RPUSD1: variants seen among roughly 807,000 people sequenced by gnomAD.
The protein encoded by RPUSD1 is RNA pseudouridine synthase domain containing 1, also known as pseudouridylate synthase RPUSD1.
In RPUSD1, 28 loss-of-function variants were observed where a neutral mutation model predicts 22.4. That is an observed-to-expected ratio of 1.25 (90% CI 0.93 to 1.72). The LOEUF is 1.72. Among genes scored for constraint, RPUSD1 ranks in the 40% most tolerant of loss-of-function variants. The pLI is 0.00. For synonymous variants in RPUSD1, 298 were observed against 201.0 expected (o/e 1.48, Z -4.08); for missense variants, 596 against 442.2 (o/e 1.35, Z -3.12).
chr16:785,887 G>A lies in RPUSD1; in HGVS notation c.*63C>T, dbSNP rs535519944. Reference sequence around the variant, plus strand: ...CCCCAGAGCCAGTGAGCAGACGCTCGCTCGCCCATCTCCCTAGAGTCCCGC... The same window carrying A: ...CCCCAGAGCCAGTGAGCAGACGCTCACTCGCCCATCTCCCTAGAGTCCCGC... On this transcript the variant is annotated 3_prime_UTR_variant, in exon 6 of 6. Transcript: ENST00000007264. The A allele has an allele frequency of 2.6e-4, 346 of 1,323,460 alleles. No homozygotes were observed. The highest frequency in any genetic ancestry group is 3.2e-4 in the Non-Finnish European group (329 of 1,018,352). The allele number at this position is 1,323,460 out of a possible 1,614,324, so 82.0% of individuals were successfully genotyped here. A position where few individuals can be genotyped will look rare whatever the true frequency, so the allele number is the denominator to read the frequency against.
rs1166413808 is a variant in RPUSD1, at chr16:787,549, C to A, written c.182+7G>T. 3 of 1,609,586 alleles carry A rather than the reference C, an allele frequency of 1.9e-6. No homozygotes were observed. Among genetic ancestry groups the A allele is most frequent in the East Asian group, 2.2e-5 (1 of 44,798 alleles). Reference sequence around the variant, plus strand: ...CGCCACCGTGGGGCTCCGGCCGCCCCCCCTACCTGAACCCGTAGCAGGTGT... The same window carrying A: ...CGCCACCGTGGGGCTCCGGCCGCCCACCCTACCTGAACCCGTAGCAGGTGT... On this transcript the variant is annotated splice_region_variant and intron_variant, in intron 2 of 5. Coordinates refer to ENST00000007264, the MANE Select transcript of RPUSD1 (RefSeq NM_058192.3).
chr16:786,799 A>G lies in RPUSD1; in HGVS notation c.511+28T>C, dbSNP rs192333231. ...GTGCCTCAGTTTCCCTTCTGTCACC[A>G]CCAGGACACCGCCCACCCCAGACAC... On this transcript the variant is annotated intron_variant, in intron 5 of 5. Transcript: ENST00000007264. 2.1e-3 allele frequency: 3,297 copies of G among 1,585,166 alleles called. 12 individuals are homozygous for G. Among genetic ancestry groups the G allele is most frequent in the Non-Finnish European group, 2.1e-3 (2,456 of 1,154,574 alleles).
intron 5 of RPUSD1, 75 bp from the exon 6 acceptor site, chr16:786,452 C>T: frequency 1.4e-6 from 2 of 1,464,524 alleles, no homozygotes; most frequent in South Asian, 1.3e-5. Flanking sequence ...CCAGGACCCA[C>T]CTCCCGTCAT....
rs751155361 is a variant in RPUSD1 at position 786,568 on chromosome 16, C to T, written c.512-191G>A. On this transcript the variant is annotated intron_variant, in intron 5 of 5. Coordinates refer to ENST00000007264, the MANE Select transcript of RPUSD1 (RefSeq NM_058192.3). The stretch of plus-strand genomic sequence containing the variant: ...GGACAGAAGATTGTGTTCAGGTCAC[C>T]ACTGGTGAGGACAGGGCCAGGGTGG... 6.6e-6 allele frequency: 5 copies of T among 757,498 alleles called. No homozygotes were observed. The East Asian group carries it at 1.1e-4, about 16-fold the overall frequency. 46.9% of individuals were successfully genotyped at this position (757,498 alleles called of 1,614,324 possible). A position where few individuals can be genotyped will look rare whatever the true frequency, so the allele number is the denominator to read the frequency against.
Position 786,939 on chromosome 16 carries a change from G to C in RPUSD1, c.410-11C>G, listed in dbSNP as rs777991692. On this transcript the variant is annotated splice_polypyrimidine_tract_variant and intron_variant, in intron 4 of 5. Coordinates refer to ENST00000007264, the MANE Select transcript of RPUSD1 (RefSeq NM_058192.3). The stretch of plus-strand genomic sequence containing the variant: ...TTGGGTTCTCACAACCTGGGGCGCA[G>C]AAGGCAGGTGTGAGGTTAGTGGGAC... 6.2e-7 allele frequency: 1 copy of C among 1,611,620 alleles called. No individual in the cohort carries two copies. The highest frequency in any genetic ancestry group is 8.5e-7 in the Non-Finnish European group (1 of 1,178,666).
rs879013992 is a variant in RPUSD1, at chr16:785,891, G to C, written c.*59C>G. 7.5e-7 allele frequency: 1 copy of C among 1,335,064 alleles called. No individual in the cohort carries two copies. Among genetic ancestry groups the C allele is most frequent in the Admixed American group, 3.2e-5 (1 of 31,086 alleles). The allele number at this position is 1,335,064 out of a possible 1,614,324, so 82.7% of individuals were successfully genotyped here. ...AGAGCCAGTGAGCAGACGCTCGCTCGCCCATCTCCCTAGAGTCCCGCTGTG... is the reference window on the plus strand; with the variant it reads ...AGAGCCAGTGAGCAGACGCTCGCTCCCCCATCTCCCTAGAGTCCCGCTGTG... On this transcript the variant is annotated 3_prime_UTR_variant, in exon 6 of 6. Transcript: ENST00000007264.
chr16:786,791 C>G (rs200372871), intron 5 of RPUSD1, 36 bp downstream of exon 5: 1 of 1,555,542 alleles, frequency 6.4e-7, no homozygotes, highest in African/African-American at 1.4e-5. Context: ...AGTTTCCCTT[C>G]TGTCACCACC....
rs1373741000 is a variant in RPUSD1, at chr16:786,217, G to T, written c.672C>A (p.Val224=). 6.2e-7 allele frequency: 1 copy of T among 1,612,780 alleles called. No homozygotes were observed. The highest frequency in any genetic ancestry group is 1.6e-4 in the Middle Eastern group (1 of 6,062). Residue 224 remains valine, a synonymous_variant, in exon 6 of 6, where the codon GTC becomes GTA. Transcript: ENST00000007264. ...AGGGCAGGAAGGGGTCAGGCGTGCA[G>T]ACCTCCACACACTCGGTGTCCGTGG... ...RIPTDTECVE[V]CTPDPFLPSL...
At chr16:786,702 A>C (rs1474395455) in intron 5 of RPUSD1, 125 bp downstream of exon 5, 9 of 849,624 alleles carry the variant, frequency 1.1e-5, no homozygotes, top group Non-Finnish European at 1.8e-5. Flanking sequence ...GCGTGGAGTT[A>C]AGAACGCAGG....
intron 2 of RPUSD1, 35 bp from the exon 3 acceptor site, chr16:787,512 T>C: frequency 6.3e-7 from 1 of 1,598,142 alleles, no homozygotes. Context: ...CTGAGCCACT[T>C]TCCTCCACAG....
In RPUSD1 at chr16:787,443, C is replaced by T; in HGVS notation, c.217G>A (p.Ala73Thr). ...GCCTTGTTTAGGGCCACGCACAGCG[C>T]CCCGCTGGTGGAGAAATCCAGCTGG... ...CHQLDFSTSG[A>T]LCVALNKAAA... The change falls in exon 3 of 6, where the codon GCG (alanine) becomes ACG (threonine). Residue 73 changes from alanine to threonine, a missense_variant. Physicochemically the swap from Ala to Thr is moderately conservative, Grantham distance 58. Transcript: ENST00000007264. 1 of 1,582,890 alleles carries T rather than the reference C, an allele frequency of 6.3e-7. No homozygotes were observed. Among genetic ancestry groups the T allele is most frequent in the Non-Finnish European group, 8.6e-7 (1 of 1,164,588 alleles).
At position 786,030 on chromosome 16, in the gene RPUSD1, T is replaced by C. The variant is rs759669679; in HGVS notation, c.859A>G (p.Thr287Ala). ...PGPGRPPPPP[T>A]KPPETEAQRG... is the part of the protein sequence containing the mutation. ...TGTGCCTCAGTCTCAGGGGGCTTGGTTGGGGGTGGAGGAGGCCGGCCGGGC... is the reference window on the plus strand; with the variant it reads ...TGTGCCTCAGTCTCAGGGGGCTTGGCTGGGGGTGGAGGAGGCCGGCCGGGC... Residue 287 changes from threonine (T) to alanine (A), a missense_variant, in exon 6 of 6, where the codon ACC (threonine) becomes GCC (alanine). Transcript: ENST00000007264. 2.3e-5 allele frequency: 35 copies of C among 1,499,932 alleles called. No individual in the cohort carries two copies. The East Asian group carries it at 2.6e-4, about 11-fold the overall frequency. 92.9% of individuals were successfully genotyped at this position (1,499,932 alleles called of 1,614,324 possible).
At position 785,627 on chromosome 16, in the gene RPUSD1, C is replaced by A; in HGVS notation, c.*323G>T. Reference sequence around the variant, plus strand: ...ACCTTGAGTCCGTAAAACTGACGCCCCTGGGGTGACGCTTGAGAGCCGGAA... The same window carrying A: ...ACCTTGAGTCCGTAAAACTGACGCCACTGGGGTGACGCTTGAGAGCCGGAA... On this transcript the variant is annotated 3_prime_UTR_variant, in exon 6 of 6. Transcript: ENST00000007264. The A allele has an allele frequency of 3.2e-6, 1 of 312,188 alleles. No homozygotes were observed. Among genetic ancestry groups the A allele is most frequent in the Non-Finnish European group, 5.8e-6 (1 of 171,318 alleles). The allele number at this position is 312,188 out of a possible 1,614,324, so 19.3% of individuals were successfully genotyped here.
At position 787,600 on chromosome 16, in the gene RPUSD1, G is replaced by A. The variant is rs200531905; in HGVS notation, c.138C>T (p.Tyr46=). 1.2e-6 allele frequency: 2 copies of A among 1,611,426 alleles called. No individual in the cohort carries two copies. Among genetic ancestry groups the A allele is most frequent in the East Asian group, 2.2e-5 (1 of 44,892 alleles). ...CAGGGTCGGCCAGCTCGGGAAAGCG[G>A]TACCGCAGCTGCTTCTGCAGGGTCA... ...ETLTLQKQLR[Y]RFPELADPDT... is the part of the protein sequence containing the mutation. Residue 46 remains tyrosine (Y), a synonymous_variant, in exon 2 of 6, where the codon TAC becomes TAT. Transcript: ENST00000007264.
Position 787,379 on chromosome 16 carries a change from CG to C in RPUSD1, c.280del (p.Arg94AlafsTer2). ...CAATGCCAGGTAAGCCTTGGTCACG[CG>C]CCGCTCCTTGAAGCACCTGTACGCG... ...GSAYRCFKER[R>X]VTKAYLALLR... On this transcript the variant is annotated frameshift_variant, in exon 3 of 6. Transcript: ENST00000007264. LOFTEE classifies it high-confidence loss of function. 1.3e-6 allele frequency: 2 copies of C among 1,589,864 alleles called. No homozygotes were observed. The highest frequency in any genetic ancestry group is 1.7e-6 in the Non-Finnish European group (2 of 1,168,652).
Position 785,726 on chromosome 16 carries a change from TCA to T in RPUSD1, c.*222_*223del. On this transcript the variant is annotated 3_prime_UTR_variant, in exon 6 of 6. Transcript: ENST00000007264. The stretch of plus-strand genomic sequence containing the variant: ...GCAGGAAGGCCCTCGGGATCCCGCA[TCA>T]GTCCCACGGCCGCGGTGCGGTCGTC... 2 of 412,460 alleles carry T rather than the reference TCA, an allele frequency of 4.8e-6. No individual in the cohort carries two copies. Among genetic ancestry groups the T allele is most frequent in the Non-Finnish European group, 8.5e-6 (2 of 236,440 alleles). The allele number at this position is 412,460 out of a possible 1,614,324, so 25.6% of individuals were successfully genotyped here.
Position 786,830 on chromosome 16 carries a change from T to C in RPUSD1, c.508A>G (p.Thr170Ala), listed in dbSNP as rs780116568. Residue 170 changes from threonine to alanine, a missense_variant, in exon 5 of 6, where the codon ACG (threonine) becomes GCG (alanine). Thr to Ala is a moderately conservative substitution (Grantham distance 58). Transcript: ENST00000007264. The stretch of plus-strand genomic sequence containing the variant: ...ACACCGCCCACCCCAGACACACCCG[T>C]GAGCGGCTTCAGCAGCACTTTGGAG... ...PVSKVLLKPL[T>A]GRTHQLRVHC... 1 of 1,612,412 alleles carries C rather than the reference T, an allele frequency of 6.2e-7. No individual in the cohort carries two copies.
Position 785,857 on chromosome 16 carries a change from C to G in RPUSD1, c.*93G>C, listed in dbSNP as rs995369184. 11 of 1,171,924 alleles carry G rather than the reference C, an allele frequency of 9.4e-6. No individual in the cohort carries two copies. The East Asian group carries it at 1.1e-4, about 12-fold the overall frequency. The allele number at this position is 1,171,924 out of a possible 1,614,324, so 72.6% of individuals were successfully genotyped here. A position where few individuals can be genotyped will look rare whatever the true frequency, so the allele number is the denominator to read the frequency against. ...GTGGGCCTGATGCTGCCTGGCACCTCGAGGCCCCAGAGCCAGTGAGCAGAC... is the reference window on the plus strand; with the variant it reads ...GTGGGCCTGATGCTGCCTGGCACCTGGAGGCCCCAGAGCCAGTGAGCAGAC... On this transcript the variant is annotated 3_prime_UTR_variant, in exon 6 of 6. Transcript: ENST00000007264.
intron 1 of RPUSD1, 126 bp downstream of exon 1, chr16:788,130 G>A (rs1179395754): frequency 2.2e-6 from 1 of 458,706 alleles, no homozygotes; most frequent in African/African-American, 2.0e-5. Flanking sequence ...TGCCCGCAGC[G>A]CGGGTTAGGG....
Sources: gnomAD v4.1 joint callset for allele counts on GRCh38, gnomAD v4.1.1 for gene constraint, MANE v1.5 for transcripts, NCBI Gene and HGNC (gene_info 2026-07-23, HGNC 2026-07-21) for gene names.